Variants in MAGI2 observed in about 807,000 individuals in gnomAD.
The protein encoded by MAGI2 is membrane-associated guanylate kinase, WW and PDZ domain-containing protein 2.
Under a neutral mutation model 133.3 loss-of-function variants are expected in MAGI2, and 35 were observed. The ratio of observed to expected loss-of-function variants is 0.26; its 90% CI spans 0.20 to 0.35. The LOEUF is 0.35. Ranked by LOEUF, MAGI2 falls within the 10% of genes least tolerant of loss-of-function variation. The pLI, the probability that MAGI2 is intolerant of heterozygous loss-of-function variation, is 1.00. For synonymous variants in MAGI2, 729 were observed against 710.6 expected, an observed-to-expected ratio of 1.03 and a Z score of -0.41; for missense variants, 1,636 against 1,863.4, an observed-to-expected ratio of 0.88 and a Z score of 2.25.
intron 1 of MAGI2, among the ~76,000 whole-genome samples, chr7:79,151,078 G>A (rs1003064814): frequency 1.3e-5 from 2 of 151,948 alleles, no homozygotes; most frequent in African/African-American, 2.4e-5. Context: ...AGCTTCCTCA[G>A]TGCTGCTTCT....
intron 1 of MAGI2, among the ~76,000 whole-genome samples, chr7:79,130,682 T>C (rs1820854545): frequency 2.0e-5 from 3 of 152,228 alleles, no homozygotes; most frequent in Non-Finnish European, 4.4e-5. Flanking sequence ...AGTTAATGAA[T>C]ATAAAAATTT....
chr7:79,013,437 A>G (rs922949330), intron 1 of MAGI2, among the ~76,000 whole-genome samples: 1 of 152,220 alleles, frequency 6.6e-6, no homozygotes, highest in Non-Finnish European at 1.5e-5. Flanking sequence ...TTTAATGAGT[A>G]ACCGCAAATG....
chr7:78,061,451 CACA>C (rs1201492394), intron 21 of MAGI2, among the ~76,000 whole-genome samples: 7 of 146,678 alleles, frequency 4.8e-5, no homozygotes. Context: ...CACACACACA[CACA>C]CACGAGTGGG....
chr7:79,296,549 T>C (rs577593493), intron 1 of MAGI2, among the ~76,000 whole-genome samples: 1 of 152,260 alleles, frequency 6.6e-6, no homozygotes, highest in South Asian at 2.1e-4. Flanking sequence ...TGGATGAACC[T>C]GGAGGACATT....
intron 9 of MAGI2, among the ~76,000 whole-genome samples, chr7:78,266,817 C>T (rs4109844): frequency 0.016 from 2,423 of 152,186 alleles, 74 homozygotes; most frequent in African/African-American, 0.056. Flanking sequence ...CGTGATCCGC[C>T]CACCTTGGCC....
chr7:78,024,318 A>G (rs369378783), intron 21 of MAGI2, among the ~76,000 whole-genome samples: 1 of 152,142 alleles, frequency 6.6e-6, no homozygotes, highest in East Asian at 1.9e-4. Flanking sequence ...TTATATAACA[A>G]TACTCCCAAA....
At chr7:78,902,126 A>G (rs1366771022) in intron 2 of MAGI2, among the ~76,000 whole-genome samples, 2 of 152,098 alleles carry the variant, frequency 1.3e-5, no homozygotes, top group African/African-American at 4.8e-5. Context: ...TGTTATTTGT[A>G]TTCTTCTGTA....
intron 3 of MAGI2, chr7:78,616,869 T>C (rs945988502): frequency 5.3e-5 from 8 of 152,190 alleles, no homozygotes; most frequent in Non-Finnish European, 1.0e-4. Flanking sequence ...CCCACCTTTA[T>C]TGAGCACTGC....
chr7:78,430,705 A>T (rs150543609), intron 6 of MAGI2, among the ~76,000 whole-genome samples: 159 of 152,232 alleles, frequency 1.0e-3, no homozygotes, highest in African/African-American at 3.5e-3. Context: ...GACATGCCCC[A>T]AAAGTGTAGT....
At chr7:78,869,958 T>C (rs1473364275) in intron 2 of MAGI2, among the ~76,000 whole-genome samples, 2 of 152,272 alleles carry the variant, frequency 1.3e-5, no homozygotes, top group South Asian at 4.2e-4. Context: ...TTTGTGCCTG[T>C]TTTTCTACCA....
chr7:78,519,995 C>A (rs892752754), intron 4 of MAGI2, among the ~76,000 whole-genome samples: 1 of 152,124 alleles, frequency 6.6e-6, no homozygotes, highest in East Asian at 1.9e-4. Flanking sequence ...TATTTTGACA[C>A]AGATACTTAA....
At chr7:79,320,894 A>T (rs1187148609) in intron 1 of MAGI2, among the ~76,000 whole-genome samples, 1 of 152,098 alleles carries the variant, frequency 6.6e-6, no homozygotes, top group Non-Finnish European at 1.5e-5. Context: ...CCCACTAAAA[A>T]TTCTTTCTTG....
intron 9 of MAGI2, among the ~76,000 whole-genome samples, chr7:78,327,925 C>A (rs1788751459): frequency 6.6e-6 from 1 of 152,102 alleles, no homozygotes; most frequent in African/African-American, 2.4e-5. Flanking sequence ...GTAGTCATAA[C>A]ATTAATTAAT....
At chr7:78,072,661 C>CT in intron 21 of MAGI2, 1 of 368,452 alleles carries the variant, frequency 2.7e-6, no homozygotes, top group Non-Finnish European at 4.8e-6. Flanking sequence ...TAATGGCATA[C>CT]TTATAACATT....
intron 6 of MAGI2, among the ~76,000 whole-genome samples, chr7:78,370,924 A>C (rs989424733): frequency 6.6e-6 from 1 of 151,894 alleles, no homozygotes; most frequent in African/African-American, 2.4e-5. Flanking sequence ...TACCTTAAGA[A>C]ATCTTTCTTT....
At chr7:79,291,359 C>T (rs542473875) in intron 1 of MAGI2, among the ~76,000 whole-genome samples, 1 of 152,146 alleles carries the variant, frequency 6.6e-6, no homozygotes, top group African/African-American at 2.4e-5. Context: ...TATTATGAAT[C>T]ATGCTTTCAT....
In MAGI2 at chr7:78,273,193, T is replaced by C. The variant is rs141203648; in HGVS notation, c.1409-16612A>G. Among the ~76,000 whole-genome samples, 114 of 152,190 alleles carry C rather than the reference T, an allele frequency of 7.5e-4. 1 individual carries two copies. Among genetic ancestry groups the C allele is most frequent in the African/African-American group, 2.4e-3 (98 of 41,494 alleles). ...TGTAAAGGATCTTATTTCTCATTCATTTATTAAGCTTAGTTGGGCTGGAGA... is the reference window on the plus strand; with the variant it reads ...TGTAAAGGATCTTATTTCTCATTCACTTATTAAGCTTAGTTGGGCTGGAGA... On this transcript the variant is annotated intron_variant, in intron 9 of 21. Transcript: ENST00000354212.
At position 79,420,287 on chromosome 7, in the gene MAGI2, T is replaced by G. The variant is rs1585914296; in HGVS notation, c.301+32733A>C. On this transcript the variant is annotated intron_variant, in intron 1 of 21. Coordinates refer to ENST00000354212, the MANE Select transcript of MAGI2 (RefSeq NM_012301.4). Reference sequence around the variant, plus strand: ...TTTTCCAGAAAATTAAGTTTAAAGTTCTATAAAACTAGATGGATATTGCTG... The same window carrying G: ...TTTTCCAGAAAATTAAGTTTAAAGTGCTATAAAACTAGATGGATATTGCTG... Among the ~76,000 whole-genome samples, 4 of 152,126 alleles carry G rather than the reference T, an allele frequency of 2.6e-5. No individual in the cohort carries two copies. In the South Asian group the frequency reaches 8.3e-4, roughly 31 times the overall value.
At chr7:78,370,453 G>T (rs113611553) in intron 6 of MAGI2, among the ~76,000 whole-genome samples, 1 of 151,784 alleles carries the variant, frequency 6.6e-6, no homozygotes, top group East Asian at 1.9e-4. Flanking sequence ...GTTTTTACCT[G>T]TCATGTGTCA....
Sources: allele counts gnomAD v4.1 joint callset (sites outside exome capture counted in the v4.1 genomes callset), GRCh38; gene constraint gnomAD v4.1.1; transcripts MANE v1.5; gene names NCBI Gene and HGNC (gene_info 2026-07-23, HGNC 2026-07-21).